Variants in POGLUT2 observed in about 807,000 individuals in gnomAD.
POGLUT2 encodes the protein ER protein 58.
Under a neutral mutation model 57.6 loss-of-function variants are expected in POGLUT2, and 47 were observed. The observed-to-expected ratio is 0.82, with a 90% confidence interval of 0.65 to 1.04. POGLUT2 has a LOEUF of 1.04. Among genes scored for constraint, POGLUT2 ranks in the 50% least tolerant of loss-of-function variants. The probability of loss-of-function intolerance (pLI) is 0.00; values close to 1 mark genes in which losing one functional copy is unlikely to be tolerated. For synonymous variants in POGLUT2, 200 were observed against 218.8 expected, an observed-to-expected ratio of 0.91 and a Z score of 0.76; for missense variants, 565 against 614.8, an observed-to-expected ratio of 0.92 and a Z score of 0.86.
At chr13:102,796,488 T>C (rs1208697241) in intron 2 of POGLUT2, among the ~76,000 whole-genome samples, 1 of 151,108 alleles carries the variant, frequency 6.6e-6, no homozygotes, top group Non-Finnish European at 1.5e-5. Context: ...ATATTTCCAA[T>C]TAAGAAAGTA....
In POGLUT2 at chr13:102,793,768, C is replaced by G; in HGVS notation, c.427G>C (p.Asp143His). 1 of 1,614,188 alleles carries G rather than the reference C, an allele frequency of 6.2e-7. No individual in the cohort carries two copies. Among genetic ancestry groups the G allele is most frequent in the Non-Finnish European group, 8.5e-7 (1 of 1,180,028 alleles). Residue 143 changes from aspartate (D) to histidine (H), a missense_variant, in exon 3 of 10, where the codon GAT (aspartate) becomes CAT (histidine). Coordinates refer to ENST00000376004, the MANE Select transcript of POGLUT2 (RefSeq NM_024089.3). ...ATCTCCCGTAGCCAGGCTGCACTAT[C>G]TTGCAGAGGACAGTCACAGTTCTCA... Reference protein sequence around the residue: ...YHENCDCPLQDSAAWLREMNC... With the variant: ...YHENCDCPLQHSAAWLREMNC...
In POGLUT2 at chr13:102,796,172, G is replaced by A. The variant is rs1476977536; in HGVS notation, c.388+632C>T. ...TAGCCTGGCATGGTGGTGCGTGCCT[G>A]TAATCCCAGCTACATGGGAGGCTAA... On this transcript the variant is annotated intron_variant, in intron 2 of 9. Coordinates refer to ENST00000376004, the MANE Select transcript of POGLUT2 (RefSeq NM_024089.3). Among the ~76,000 whole-genome samples, 7 of 151,864 alleles carry A rather than the reference G, an allele frequency of 4.6e-5. 1 individual carries two copies. The highest frequency in any genetic ancestry group is 4.6e-4 in the Admixed American group (7 of 15,242).
At chr13:102,787,421 T>C (rs1191510618) in intron 8 of POGLUT2, among the ~76,000 whole-genome samples, 1 of 152,182 alleles carries the variant, frequency 6.6e-6, no homozygotes, top group Admixed American at 6.5e-5. Context: ...CTTAGGTCCA[T>C]GGAAATAATT....
chr13:102,791,390 T>C lies in POGLUT2; in HGVS notation c.713A>G (p.Asp238Gly). The change falls in exon 5 of 10, where the codon GAC (aspartate) becomes GGC (glycine). Residue 238 changes from aspartate (D) to glycine (G), a missense_variant. By Grantham distance (94) the Asp-to-Gly change is moderately conservative (BLOSUM62 -1). Coordinates refer to ENST00000376004, the MANE Select transcript of POGLUT2 (RefSeq NM_024089.3). The stretch of plus-strand genomic sequence containing the variant: ...GGATTTCTTTTTTTCCAAAGGCCAG[T>C]CTCCCAAATTAACAAAGAGCTCCAC... ...PDVELFVNLG[D>G]WPLEKKKSNS... The C allele has an allele frequency of 6.2e-7, 1 of 1,605,756 alleles. No individual in the cohort carries two copies. The highest frequency in any genetic ancestry group is 8.5e-7 in the Non-Finnish European group (1 of 1,178,044).
chr13:102,789,236 T>A lies in POGLUT2; in HGVS notation c.1084-15A>T. On this transcript the variant is annotated splice_polypyrimidine_tract_variant and intron_variant, in intron 6 of 9. Coordinates refer to ENST00000376004, the MANE Select transcript of POGLUT2 (RefSeq NM_024089.3). ...TGATACTTATGCTGCAAAACAATGG[T>A]AAAGTCTAAGAACCTCTATTAAATC... The A allele has an allele frequency of 6.2e-7, 1 of 1,603,104 alleles. No individual in the cohort carries two copies. The highest frequency in any genetic ancestry group is 8.5e-7 in the Non-Finnish European group (1 of 1,170,100).
intron 9 of POGLUT2, among the ~76,000 whole-genome samples, chr13:102,785,583 C>T (rs1271949441): frequency 6.6e-6 from 1 of 152,168 alleles, no homozygotes; most frequent in East Asian, 1.9e-4. Context: ...TATACAAGCA[C>T]ACACAATCAC....
In POGLUT2 at chr13:102,798,606, C is replaced by T. The variant is rs139131513; in HGVS notation, c.65G>A (p.Gly22Asp). The stretch of plus-strand genomic sequence containing the variant: ...CTCCGGGCTCAGCTGCCTTTCTCCG[C>T]CGGTCTCGGCGAGTGCTGGAACTGT... Reference protein sequence around the residue: ...LATVPALAETGGERQLSPEKS... With the variant: ...LATVPALAETDGERQLSPEKS... The change falls in exon 1 of 10, where the codon GGC (glycine) becomes GAC (aspartate). Residue 22 changes from glycine to aspartate, a missense_variant. By Grantham distance (94) the Gly-to-Asp change is moderately conservative. Transcript: ENST00000376004. The T allele has an allele frequency of 2.5e-6, 4 of 1,613,410 alleles. No homozygotes were observed. The highest frequency in any genetic ancestry group is 2.7e-5 in the African/African-American group (2 of 74,896).
chr13:102,789,334 G>T, intron 6 of POGLUT2, 113 bp from the exon 7 acceptor site: 1 of 810,286 alleles, frequency 1.2e-6, no homozygotes, highest in Non-Finnish European at 2.0e-6. Flanking sequence ...AATTTGGTCA[G>T]CTTCCACGCT....
chr13:102,789,269 C>T, intron 6 of POGLUT2, 48 bp from the exon 7 acceptor site: 1 of 1,478,532 alleles, frequency 6.8e-7, no homozygotes. Flanking sequence ...ATCTCCTTTT[C>T]TCCACTCTAT....
chr13:102,786,362 G>A (rs1877941700), intron 8 of POGLUT2, 23 bp from the exon 9 acceptor site: 1 of 1,465,068 alleles, frequency 6.8e-7, no homozygotes, highest in African/African-American at 1.4e-5. Context: ...CAATATAAAA[G>A]CATTCCTTAT....
Position 102,786,255 on chromosome 13 carries a change from G to A in POGLUT2, c.1468C>T (p.Pro490Ser). ...ACCTTTTTCCTATGGCAAGTACAAG[G>A]GAAGAGGTCGTCCTCAGTCTGTGGT... is the stretch of plus-strand genomic sequence containing the variant. Reference protein sequence around the residue: ...VEPQTEDDLFPCTCHRKKTKD... With the variant: ...VEPQTEDDLFSCTCHRKKTKD... Residue 490 changes from proline to serine, a missense_variant, in exon 9 of 10, where the codon CCT becomes TCT. Pro to Ser is a moderately conservative substitution (Grantham distance 74). Coordinates refer to ENST00000376004, the MANE Select transcript of POGLUT2 (RefSeq NM_024089.3). The A allele has an allele frequency of 6.2e-7, 1 of 1,613,114 alleles. No individual in the cohort carries two copies. Among genetic ancestry groups the A allele is most frequent in the East Asian group, 2.2e-5 (1 of 44,870 alleles).
At chr13:102,795,250 CAAAAAAAAAAAA>C (rs58015405) in intron 2 of POGLUT2, among the ~76,000 whole-genome samples, 1 of 42,652 alleles carries the variant, frequency 2.3e-5, no homozygotes, top group Non-Finnish European at 5.2e-5. Flanking sequence ...GACATCGTCT[CAAAAAAAAAAAA>C]AAAAAAAAAA....
Position 102,791,024 on chromosome 13 carries a change from A to G in POGLUT2, c.960T>C (p.Val320=), listed in dbSNP as rs1878146506. 1 of 1,614,072 alleles carries G rather than the reference A, an allele frequency of 6.2e-7. No individual in the cohort carries two copies. The highest frequency in any genetic ancestry group is 8.5e-7 in the Non-Finnish European group (1 of 1,180,018). The part of the protein sequence containing the change: ...RDSRKERLEL[V]KLSRKHPELI... ...GTTCTGGGTGTTTTCTACTGAGTTT[A>G]ACCAGCTCGAGTCTCTCTTTGCGGC... Residue 320 remains valine, a synonymous_variant, in exon 6 of 10, where the codon GTT becomes GTC. Coordinates refer to ENST00000376004, the MANE Select transcript of POGLUT2 (RefSeq NM_024089.3).
chr13:102,786,097 C>A, intron 9 of POGLUT2, 135 bp downstream of exon 9: 1 of 639,890 alleles, frequency 1.6e-6, no homozygotes, highest in South Asian at 1.9e-5. Flanking sequence ...ATCTCTCTGG[C>A]AGACTGAATT....
chr13:102,798,273 AT>A (rs1878516948), intron 1 of POGLUT2, among the ~76,000 whole-genome samples: 1 of 152,212 alleles, frequency 6.6e-6, no homozygotes, highest in Admixed American at 6.5e-5. Context: ...CTGAATCAAA[AT>A]TGCTAGGAGA....
At chr13:102,795,816 T>C (rs1595312572) in intron 2 of POGLUT2, among the ~76,000 whole-genome samples, 1 of 150,858 alleles carries the variant, frequency 6.6e-6, no homozygotes, top group African/African-American at 2.4e-5. Flanking sequence ...GTTTACCTTT[T>C]CTTACTTCTC....
At chr13:102,785,887 A>G (rs1306600789) in intron 9 of POGLUT2, among the ~76,000 whole-genome samples, 2 of 152,244 alleles carry the variant, frequency 1.3e-5, no homozygotes, top group Non-Finnish European at 2.9e-5. Flanking sequence ...AACTTTGCCA[A>G]ACTTATCTCA....
chr13:102,793,367 C>T lies in POGLUT2; in HGVS notation c.646G>A (p.Ala216Thr). 6.3e-7 allele frequency: 1 copy of T among 1,579,858 alleles called. No homozygotes were observed. Among genetic ancestry groups the T allele is most frequent in the East Asian group, 2.2e-5 (1 of 44,724 alleles). ...EHVGFRIFMD[A>T]ILLSLTRKVK... ...TTTCTAGTCAAAGAAAGTAGTATGG[C>T]ATCCATGAAAATTCTAAAACCTACA... The change falls in exon 4 of 10, where the codon GCC (alanine) becomes ACC (threonine). Residue 216 changes from alanine (A) to threonine (T), a missense_variant. Physicochemically the swap from Ala to Thr is moderately conservative, Grantham distance 58. Coordinates refer to ENST00000376004, the MANE Select transcript of POGLUT2 (RefSeq NM_024089.3).
At chr13:102,786,421 T>TC in intron 8 of POGLUT2, 82 bp from the exon 9 acceptor site, 2 of 891,608 alleles carry the variant, frequency 2.2e-6, no homozygotes, top group Non-Finnish European at 3.8e-6. Context: ...ATATGAAGAC[T>TC]ATGATTCATT....
Sources: allele counts gnomAD v4.1 joint callset (sites outside exome capture counted in the v4.1 genomes callset), GRCh38; gene constraint gnomAD v4.1.1; transcripts MANE v1.5; gene names NCBI Gene and HGNC (gene_info 2026-07-23, HGNC 2026-07-21).